Variants in BTBD9 observed in about 807,000 individuals in gnomAD.
The protein encoded by BTBD9 is BTB/POZ domain-containing protein 9.
BTBD9 carries 49 observed loss-of-function variants against 64.3 expected under a neutral mutation model. That is an observed-to-expected ratio of 0.76 (90% confidence interval 0.61 to 0.97). The LOEUF (loss-of-function observed/expected upper bound fraction) is 0.97. Among genes scored for constraint, BTBD9 ranks in the 50% least tolerant of loss-of-function variants. The pLI is 0.00. For synonymous variants in BTBD9, 260 were observed against 274.7 expected, an observed-to-expected ratio of 0.95 and a Z score of 0.53; for missense variants, 598 against 762.1, an observed-to-expected ratio of 0.78 and a Z score of 2.53.
intron 6 of BTBD9, among the ~76,000 whole-genome samples, chr6:38,553,587 A>T (rs916961491): frequency 6.6e-6 from 1 of 152,218 alleles, no homozygotes; most frequent in South Asian, 2.1e-4. Flanking sequence ...ACAATGTAGG[A>T]TACTCTTTGC....
chr6:38,305,671 A>G (rs1442523263), intron 7 of BTBD9, among the ~76,000 whole-genome samples: 1 of 152,004 alleles, frequency 6.6e-6, no homozygotes, highest in Non-Finnish European at 1.5e-5. Flanking sequence ...TTTAGTAGAG[A>G]TGGGGTTTCA....
At chr6:38,524,405 A>G (rs1029009790) in intron 6 of BTBD9, among the ~76,000 whole-genome samples, 1 of 152,186 alleles carries the variant, frequency 6.6e-6, no homozygotes, top group African/African-American at 2.4e-5. Flanking sequence ...TCCCAGAAAA[A>G]AACTGAGTAG....
intron 3 of BTBD9, among the ~76,000 whole-genome samples, 185 bp from the exon 4 acceptor site, chr6:38,593,025 C>T (rs1254190705): frequency 6.6e-6 from 1 of 152,178 alleles, no homozygotes; most frequent in Non-Finnish European, 1.5e-5. Flanking sequence ...AAGACGGTAG[C>T]ACCATTCTTT....
intron 6 of BTBD9, among the ~76,000 whole-genome samples, chr6:38,549,347 T>C (rs956771161): frequency 1.3e-5 from 2 of 152,222 alleles, no homozygotes; most frequent in Non-Finnish European, 1.5e-5. Context: ...ACTCAAGATA[T>C]ATTAGCTATC....
intron 6 of BTBD9, among the ~76,000 whole-genome samples, chr6:38,403,775 C>A (rs749370243): frequency 1.1e-4 from 16 of 152,128 alleles, no homozygotes; most frequent in Non-Finnish European, 2.4e-4. Flanking sequence ...AGAACATGTA[C>A]ATAAATGTGT....
intron 6 of BTBD9, among the ~76,000 whole-genome samples, chr6:38,464,719 C>A (rs558716796): frequency 1.4e-3 from 206 of 152,274 alleles, no homozygotes; most frequent in Non-Finnish European, 2.2e-3. Context: ...TAGTCTTGAA[C>A]TCCTGACCTC....
intron 6 of BTBD9, among the ~76,000 whole-genome samples, chr6:38,350,964 T>C (rs1764479747): frequency 6.6e-6 from 1 of 152,200 alleles, no homozygotes; most frequent in Non-Finnish European, 1.5e-5. Context: ...GTGTAAAATT[T>C]TCTTCTAGTT....
intron 6 of BTBD9, among the ~76,000 whole-genome samples, chr6:38,499,295 T>C (rs1049770802): frequency 2.0e-5 from 3 of 152,174 alleles, no homozygotes; most frequent in Non-Finnish European, 4.4e-5. Context: ...CACAAATCAC[T>C]CTGTGATCAC....
intron 7 of BTBD9, among the ~76,000 whole-genome samples, chr6:38,313,953 CT>C (rs1197291520): frequency 6.6e-6 from 1 of 151,506 alleles, no homozygotes; most frequent in Non-Finnish European, 1.5e-5. Context: ...TTTCACCAGG[CT>C]GGTCGCAAAT....
At chr6:38,565,812 C>A (rs1412478818) in intron 6 of BTBD9, 2 of 152,146 alleles carry the variant, frequency 1.3e-5, no homozygotes, top group Non-Finnish European at 2.9e-5. Flanking sequence ...GATAATCAGA[C>A]AAATGGGCAA....
At chr6:38,340,529 C>T (rs1256188728) in intron 7 of BTBD9, among the ~76,000 whole-genome samples, 1 of 152,156 alleles carries the variant, frequency 6.6e-6, no homozygotes, top group Non-Finnish European at 1.5e-5. Flanking sequence ...TTTATTCCCA[C>T]AAACTCAAAA....
At chr6:38,189,783 C>T (rs1457324999) in intron 10 of BTBD9, among the ~76,000 whole-genome samples, 2 of 152,126 alleles carry the variant, frequency 1.3e-5, no homozygotes, top group Non-Finnish European at 2.9e-5. Context: ...AAGCAATCGT[C>T]TTGCCTCAGC....
chr6:38,464,067 G>T (rs1770228788), intron 6 of BTBD9, among the ~76,000 whole-genome samples: 1 of 151,964 alleles, frequency 6.6e-6, no homozygotes, highest in African/African-American at 2.4e-5. Context: ...AGTTCGTTAG[G>T]GTAGGCTCTA....
chr6:38,447,686 A>G (rs890684353), intron 6 of BTBD9, among the ~76,000 whole-genome samples: 4 of 152,210 alleles, frequency 2.6e-5, no homozygotes, highest in Non-Finnish European at 4.4e-5. Context: ...GCAAGAAAAA[A>G]TATGGAGCTG....
chr6:38,469,309 CTTTTTTTTTTTCCTTTTT>C (rs1770528642), intron 6 of BTBD9, among the ~76,000 whole-genome samples: 1 of 136,528 alleles, frequency 7.3e-6, no homozygotes, highest in South Asian at 2.4e-4. Flanking sequence ...CCCACTCTCT[CTTTTTTTTTTTCCTTTTT>C]TTTTTTTTTT....
Position 38,174,980 on chromosome 6 carries a change from C to T in BTBD9, c.*5G>A. On this transcript the variant is annotated 3_prime_UTR_variant, in exon 11 of 11. Transcript: ENST00000481247. ...CACCAAGTCACACCAGGCCCGCTGC[C>T]TCCTTTATTGGTGCTGCCGGTTGGG... is the stretch of plus-strand genomic sequence containing the variant. 6.2e-7 allele frequency: 1 copy of T among 1,613,742 alleles called. No homozygotes were observed. The highest frequency in any genetic ancestry group is 8.5e-7 in the Non-Finnish European group (1 of 1,180,040).
At position 38,168,608 on chromosome 6, in the gene BTBD9, ACATAGC is replaced by A. The variant is rs1766616453; in HGVS notation, c.*6371_*6376del. 1 of 152,236 alleles carries A rather than the reference ACATAGC, an allele frequency of 6.6e-6. No individual in the cohort carries two copies. The highest frequency in any genetic ancestry group is 1.5e-5 in the Non-Finnish European group (1 of 68,054). The allele number at this position is 152,236 out of a possible 1,614,324, so 9.4% of individuals were successfully genotyped here. A position where few individuals can be genotyped will look rare whatever the true frequency, so the allele number is the denominator to read the frequency against. On this transcript the variant is annotated 3_prime_UTR_variant, in exon 11 of 11. Coordinates refer to ENST00000481247, the MANE Select transcript of BTBD9 (RefSeq NM_001099272.2). ...CGTGCTCACAAATAATACACATTCC[ACATAGC>A]AGCACAGCCTTTTGGGCATCTTTGG...
In BTBD9 at chr6:38,507,017, T is replaced by A. The variant is rs4711550; in HGVS notation, c.1154+70583A>T. On this transcript the variant is annotated intron_variant, in intron 6 of 10. Coordinates refer to ENST00000481247, the MANE Select transcript of BTBD9 (RefSeq NM_001099272.2). ...AAGCTCTTTCCCATCCCAGAGCTAA[T>A]GCACTTGACGCTCTCTCTGCATGAA... Among the ~76,000 whole-genome samples the A allele has an allele frequency of 3.0e-3, 456 of 152,176 alleles. 3 individuals carry two copies. The highest frequency in any genetic ancestry group is 0.01 in the African/African-American group (428 of 41,518).
intron 6 of BTBD9, among the ~76,000 whole-genome samples, chr6:38,409,289 C>A (rs1217621690): frequency 6.6e-6 from 1 of 152,054 alleles, no homozygotes; most frequent in Admixed American, 6.6e-5. Context: ...TGGTGGCCTA[C>A]AACATAATGT....
Sources: gnomAD v4.1 joint callset for allele counts (sites outside exome capture counted in the v4.1 genomes callset) on GRCh38, gnomAD v4.1.1 for gene constraint, MANE v1.5 for transcripts, NCBI Gene and HGNC (gene_info 2026-07-23, HGNC 2026-07-21) for gene names.